Variants in SGK3 observed in about 807,000 individuals in gnomAD.
SGK3 encodes serine/threonine-protein kinase Sgk3.
In SGK3, 47 loss-of-function variants were observed where a neutral mutation model predicts 68.5. The ratio of observed to expected loss-of-function variants is 0.69; its 90% CI spans 0.54 to 0.87. The LOEUF (loss-of-function observed/expected upper bound fraction) is 0.87, where lower values mean the gene tolerates loss of function less well. Among genes scored for constraint, SGK3 ranks in the 40% least tolerant of loss-of-function variants. SGK3 has a pLI of 0.00. For missense variants in SGK3, 479 were observed against 575.5 expected (o/e 0.83, Z 1.72); for synonymous variants, 181 against 189.1 (o/e 0.96, Z 0.35).
At position 66,770,128 on chromosome 8, in the gene SGK3, G is replaced by C. The variant is rs188337927; in HGVS notation, c.-121-23488G>C. Among the ~76,000 whole-genome samples, 448 of 151,888 alleles carry C rather than the reference G, an allele frequency of 2.9e-3. 3 individuals are homozygous for C. The highest frequency in any genetic ancestry group is 0.011 in the African/African-American group (436 of 41,402). ...GCCACCACACCCGGCTAATTTTTTTGTATTTTTAGTAGAGATGGAGTTTCC... is the reference window on the plus strand; with the variant it reads ...GCCACCACACCCGGCTAATTTTTTTCTATTTTTAGTAGAGATGGAGTTTCC... On this transcript the variant is annotated intron_variant, in intron 1 of 16. Transcript: ENST00000521198.
chr8:66,755,745 G>A (rs983825420), intron 1 of SGK3, among the ~76,000 whole-genome samples: 1 of 152,134 alleles, frequency 6.6e-6, no homozygotes, highest in African/African-American at 2.4e-5. Flanking sequence ...TGGCTCTTAG[G>A]GTTTGGTAGG....
chr8:66,798,465 G>A (rs1482408175), intron 2 of SGK3, 77 bp from the exon 3 acceptor site: 1 of 1,327,328 alleles, frequency 7.5e-7, no homozygotes. Context: ...AATTAAAACA[G>A]GTTTCATGTA....
chr8:66,729,066 A>C (rs1037056002), intron 1 of SGK3, among the ~76,000 whole-genome samples: 9 of 151,670 alleles, frequency 5.9e-5, no homozygotes, highest in African/African-American at 2.2e-4. Flanking sequence ...AAAAATACAA[A>C]AAATTAGCTG....
At chr8:66,741,510 G>A (rs1426041416) in intron 1 of SGK3, among the ~76,000 whole-genome samples, 3 of 151,608 alleles carry the variant, frequency 2.0e-5, no homozygotes, top group Admixed American at 6.6e-5. Flanking sequence ...AGATCGCACC[G>A]CTGCACTCCA....
At chr8:66,774,739 G>A (rs1207413334) in intron 1 of SGK3, among the ~76,000 whole-genome samples, 1 of 152,078 alleles carries the variant, frequency 6.6e-6, no homozygotes, top group African/African-American at 2.4e-5. Context: ...AAGGATGTGT[G>A]GTGGAGACTA....
At chr8:66,818,689 C>T (rs1346187800) in intron 5 of SGK3, among the ~76,000 whole-genome samples, 3 of 152,188 alleles carry the variant, frequency 2.0e-5, no homozygotes, top group Non-Finnish European at 2.9e-5. Context: ...TGTTATCTGT[C>T]TGGCTTATTT....
At chr8:66,831,226 G>A (rs767737490) in intron 7 of SGK3, 28 bp from the exon 8 acceptor site, 3 of 1,611,890 alleles carry the variant, frequency 1.9e-6, no homozygotes, top group Non-Finnish European at 2.5e-6. Flanking sequence ...TTTCTAGGAG[G>A]CTAATTCTTA....
chr8:66,806,024 T>C (rs1808145799), intron 4 of SGK3, among the ~76,000 whole-genome samples: 1 of 152,242 alleles, frequency 6.6e-6, no homozygotes. Context: ...ACCTTTTTCA[T>C]ATTTCTTCTA....
chr8:66,736,021 G>A (rs992401451), intron 1 of SGK3, among the ~76,000 whole-genome samples: 4 of 152,158 alleles, frequency 2.6e-5, no homozygotes, highest in African/African-American at 4.8e-5. Flanking sequence ...GTAGCAAGTT[G>A]GCTTCAGTGA....
chr8:66,754,392 T>C (rs1805912286), intron 1 of SGK3, among the ~76,000 whole-genome samples: 1 of 152,230 alleles, frequency 6.6e-6, no homozygotes, highest in Non-Finnish European at 1.5e-5. Flanking sequence ...CTCTACCCGC[T>C]TAATTCAGTA....
intron 1 of SGK3, chr8:66,737,217 T>G (rs1805345500): frequency 6.6e-6 from 1 of 152,080 alleles, no homozygotes; most frequent in South Asian, 2.1e-4. Context: ...AACTTTTTCT[T>G]CATTAAAGCC....
rs565564460 is a variant in SGK3, at chr8:66,727,412, A to C, written c.-122+14579A>C. ...ATGAGCCAGGTCTGAATTCTTGTAT[A>C]CTACATTATCCTATGATTCTCTTAT... On this transcript the variant is annotated intron_variant, in intron 1 of 16. Transcript: ENST00000521198. Among the ~76,000 whole-genome samples, 3 of 152,258 alleles carry C rather than the reference A, an allele frequency of 2.0e-5. 1 individual carries two copies. Among genetic ancestry groups the C allele is most frequent in the Non-Finnish European group, 4.4e-5 (3 of 68,024 alleles).
At chr8:66,732,942 A>G (rs1371818729) in intron 1 of SGK3, among the ~76,000 whole-genome samples, 1 of 152,180 alleles carries the variant, frequency 6.6e-6, no homozygotes, top group Non-Finnish European at 1.5e-5. Flanking sequence ...AGTTAGAGTG[A>G]TCTCTTATTT....
chr8:66,852,138 A>AC (rs1319731317), intron 16 of SGK3, among the ~76,000 whole-genome samples: 1 of 152,154 alleles, frequency 6.6e-6, no homozygotes, highest in Non-Finnish European at 1.5e-5. Context: ...AATTTTTGTG[A>AC]CTTATAATTA....
At chr8:66,790,510 C>A (rs369443154) in intron 1 of SGK3, among the ~76,000 whole-genome samples, 1 of 152,120 alleles carries the variant, frequency 6.6e-6, no homozygotes, top group East Asian at 1.9e-4. Flanking sequence ...CAGCCAGTGC[C>A]GTATGTTAAC....
At chr8:66,836,858 A>G (rs971423355) in intron 10 of SGK3, among the ~76,000 whole-genome samples, 2 of 149,182 alleles carry the variant, frequency 1.3e-5, no homozygotes, top group Non-Finnish European at 3.0e-5. Flanking sequence ...TACAGCCTCA[A>G]CCTCCTCAAA....
intron 4 of SGK3, among the ~76,000 whole-genome samples, chr8:66,807,970 A>T (rs1316080196): frequency 6.6e-6 from 1 of 152,262 alleles, no homozygotes. Flanking sequence ...TCCAGAATAT[A>T]CCATTAAATG....
intron 1 of SGK3, among the ~76,000 whole-genome samples, chr8:66,754,576 A>G (rs940581740): frequency 5.9e-5 from 9 of 152,278 alleles, no homozygotes; most frequent in Admixed American, 5.2e-4. Flanking sequence ...GGATACGAAT[A>G]AAGTCTAAAG....
At chr8:66,716,126 A>G (rs2130314928) in intron 1 of SGK3, among the ~76,000 whole-genome samples, 1 of 152,318 alleles carries the variant, frequency 6.6e-6, no homozygotes. Context: ...ATATTATTTT[A>G]AGCGACTCAG....
Sources: gnomAD v4.1 joint callset for allele counts (sites outside exome capture counted in the v4.1 genomes callset) on GRCh38, gnomAD v4.1.1 for gene constraint, MANE v1.5 for transcripts, NCBI Gene and HGNC (gene_info 2026-07-23, HGNC 2026-07-21) for gene names.